ADAMTSL1: variants seen among roughly 807,000 people sequenced by gnomAD.
ADAMTSL1 encodes the protein ADAMTS-like protein 1.
In ADAMTSL1, 126 loss-of-function variants were observed where a neutral mutation model predicts 201.8. The ratio of observed to expected loss-of-function variants is 0.62; its 90% confidence interval spans 0.54 to 0.72. The LOEUF is 0.72. ADAMTSL1 is among the 30% of genes least tolerant of loss of function. The probability of loss-of-function intolerance (pLI) is 0.00; values close to 1 mark genes in which losing one functional copy is unlikely to be tolerated. For missense variants in ADAMTSL1, 2,679 were observed against 2,277.8 expected, an observed-to-expected ratio of 1.18 and a Z score of -3.59; for synonymous variants, 1,121 against 903.4, an observed-to-expected ratio of 1.24 and a Z score of -4.32.
intron 2 of ADAMTSL1, among the ~76,000 whole-genome samples, chr9:18,201,919 G>T (rs1829464461): frequency 6.6e-6 from 1 of 152,082 alleles, no homozygotes; most frequent in Admixed American, 6.6e-5. Flanking sequence ...AAATACCTGT[G>T]TAATAATTTA....
At chr9:18,426,705 C>T (rs112372709) in intron 2 of ADAMTSL1, among the ~76,000 whole-genome samples, 2,837 of 152,188 alleles carry the variant, frequency 0.019, 97 homozygotes, top group African/African-American at 0.065. Flanking sequence ...AACCAAGAAG[C>T]CATGCTGTCT....
chr9:18,438,590 C>T (rs1442517247), intron 2 of ADAMTSL1, among the ~76,000 whole-genome samples: 1 of 152,190 alleles, frequency 6.6e-6, no homozygotes, highest in Non-Finnish European at 1.5e-5. Flanking sequence ...CCCGCACTGC[C>T]CTCTTGCATT....
intron 1 of ADAMTSL1, among the ~76,000 whole-genome samples, chr9:18,075,520 T>G (rs2131748510): frequency 6.7e-6 from 1 of 150,300 alleles, no homozygotes; most frequent in South Asian, 2.2e-4. Context: ...TCAGTTTCAA[T>G]ATAAAAGTTT....
intron 2 of ADAMTSL1, among the ~76,000 whole-genome samples, chr9:18,347,550 T>C (rs919228363): frequency 6.6e-6 from 1 of 152,158 alleles, no homozygotes; most frequent in Non-Finnish European, 1.5e-5. Context: ...GACACCAACA[T>C]AGTTAGAATG....
At chr9:18,758,079 A>C (rs1365718504) in intron 16 of ADAMTSL1, among the ~76,000 whole-genome samples, 2 of 152,188 alleles carry the variant, frequency 1.3e-5, no homozygotes. Flanking sequence ...GAATTTGAAC[A>C]TTCTCTTTTA....
chr9:18,794,862 G>T (rs1350262252), intron 19 of ADAMTSL1, among the ~76,000 whole-genome samples: 1 of 152,022 alleles, frequency 6.6e-6, no homozygotes, highest in Non-Finnish European at 1.5e-5. Context: ...GGCTGTTCTT[G>T]AACTCCTGGT....
At chr9:18,386,277 C>T (rs147289459) in intron 2 of ADAMTSL1, among the ~76,000 whole-genome samples, 22 of 152,226 alleles carry the variant, frequency 1.4e-4, no homozygotes, top group East Asian at 1.4e-3. Flanking sequence ...GGCAACAAAA[C>T]GACAAATTGC....
chr9:18,859,463 T>C (rs1174497121), intron 23 of ADAMTSL1, among the ~76,000 whole-genome samples: 1 of 152,206 alleles, frequency 6.6e-6, no homozygotes, highest in African/African-American at 2.4e-5. Flanking sequence ...AAAGTCCCTT[T>C]TGTCATGTGA....
At chr9:18,483,393 A>G (rs1352773726) in intron 1 of ADAMTSL1, among the ~76,000 whole-genome samples, 3 of 152,032 alleles carry the variant, frequency 2.0e-5, no homozygotes, top group East Asian at 1.9e-4. Context: ...ATTCTCCTGT[A>G]TTATACTGTG....
At chr9:18,472,794 G>A (rs1168575344), upstream of ADAMTSL1, among the ~76,000 whole-genome samples, 1 of 152,198 alleles carries the variant, frequency 6.6e-6, no homozygotes, top group Non-Finnish European at 1.5e-5. Flanking sequence ...TGGGCTATCA[G>A]GAGATCTGAA....
At chr9:18,119,830 A>C (rs1338194885) in intron 1 of ADAMTSL1, among the ~76,000 whole-genome samples, 2 of 152,104 alleles carry the variant, frequency 1.3e-5, no homozygotes, top group Non-Finnish European at 2.9e-5. Context: ...AGAAACCAAG[A>C]CAGAAAGACA....
At chr9:18,017,424 C>A in intron 1 of ADAMTSL1, among the ~76,000 whole-genome samples, 1 of 151,792 alleles carries the variant, frequency 6.6e-6, no homozygotes. Flanking sequence ...GTTTTGTAAT[C>A]CCCCCAAATT....
intron 20 of ADAMTSL1, among the ~76,000 whole-genome samples, chr9:18,813,422 A>T (rs775948448): frequency 1.5e-4 from 23 of 152,360 alleles, no homozygotes; most frequent in Non-Finnish European, 2.6e-4. Context: ...TACAGTATGG[A>T]CATTTGAACA....
intron 19 of ADAMTSL1, among the ~76,000 whole-genome samples, chr9:18,788,737 G>C (rs575585885): frequency 1.3e-5 from 2 of 152,236 alleles, no homozygotes; most frequent in Admixed American, 1.3e-4. Flanking sequence ...TTCACCATCT[G>C]GTCCTATAAA....
At chr9:18,675,992 TAG>T in intron 10 of ADAMTSL1, 85 bp downstream of exon 10, 7 of 1,235,628 alleles carry the variant, frequency 5.7e-6, no homozygotes, top group African/African-American at 3.0e-5. Flanking sequence ...TACATATACA[TAG>T]AGAGAGAGAT....
chr9:18,186,334 C>T (rs978023003), intron 2 of ADAMTSL1, among the ~76,000 whole-genome samples: 1 of 152,104 alleles, frequency 6.6e-6, no homozygotes. Context: ...TATAACCTTC[C>T]TATAAACTTG....
intron 1 of ADAMTSL1, among the ~76,000 whole-genome samples, chr9:18,152,508 C>T (rs1452981352): frequency 1.3e-5 from 2 of 151,894 alleles, no homozygotes; most frequent in African/African-American, 2.4e-5. Context: ...GAAAAGATGC[C>T]CATTGACAGA....
chr9:18,482,799 T>C (rs1459513563), intron 1 of ADAMTSL1, among the ~76,000 whole-genome samples: 1 of 152,210 alleles, frequency 6.6e-6, no homozygotes, highest in African/African-American at 2.4e-5. Flanking sequence ...ATGGAAACAA[T>C]AAGAACTCCT....
chr9:18,814,735 G>T (rs1823725489), intron 20 of ADAMTSL1, among the ~76,000 whole-genome samples: 1 of 152,130 alleles, frequency 6.6e-6, no homozygotes, highest in South Asian at 2.1e-4. Flanking sequence ...CTGGTGGAGG[G>T]CAGGAGGAGG....
Sources: gnomAD v4.1 joint callset for allele counts (sites outside exome capture counted in the v4.1 genomes callset) on GRCh38, gnomAD v4.1.1 for gene constraint, MANE v1.5 for transcripts, NCBI Gene and HGNC (gene_info 2026-07-23, HGNC 2026-07-21) for gene names.